NOVA2: variants seen among roughly 807,000 people sequenced by gnomAD.
NOVA2 encodes the protein NOVA alternative splicing regulator 2, also known as RNA-binding protein Nova-2.
NOVA2 carries 9 observed loss-of-function variants against 22.5 expected under a neutral mutation model. The observed-to-expected ratio is 0.40, with a 90% CI of 0.24 to 0.70. The LOEUF (loss-of-function observed/expected upper bound fraction) is 0.70, where lower values mean the gene tolerates loss of function less well. NOVA2 is among the 30% of genes least tolerant of loss of function. NOVA2 has a pLI of 0.38. For missense variants in NOVA2, 383 were observed against 682.8 expected, an observed-to-expected ratio of 0.56 and a Z score of 4.89; for synonymous variants, 318 against 335.2, an observed-to-expected ratio of 0.95 and a Z score of 0.56.
At chr19:45,943,582 G>A (rs1967793480) in intron 3 of NOVA2, among the ~76,000 whole-genome samples, 1 of 151,754 alleles carries the variant, frequency 6.6e-6, no homozygotes, top group Non-Finnish European at 1.5e-5. Flanking sequence ...AGCTGGCCTG[G>A]TGGCACATGC....
chr19:45,939,799 G>A lies in NOVA2; in HGVS notation c.*64C>T, dbSNP rs1018410528. 1.9e-6 allele frequency: 3 copies of A among 1,586,594 alleles called. No individual in the cohort carries two copies. The African/African-American group carries it at 4.0e-5, about 21-fold the overall frequency. ...CAAGCTGAGGTCAGGAGTTGGGGGGGAGGAGGAGAGGGAAGAGGAGGAGAT... is the reference window on the plus strand; with the variant it reads ...CAAGCTGAGGTCAGGAGTTGGGGGGAAGGAGGAGAGGGAAGAGGAGGAGAT... On this transcript the variant is annotated 3_prime_UTR_variant, in exon 4 of 4. Coordinates refer to ENST00000263257, the MANE Select transcript of NOVA2 (RefSeq NM_002516.4).
intron 3 of NOVA2, among the ~76,000 whole-genome samples, chr19:45,951,169 C>T (rs549656722): frequency 1.3e-5 from 2 of 152,198 alleles, no homozygotes; most frequent in South Asian, 4.2e-4. Context: ...TTTTTTTGAC[C>T]TTCATAGTGT....
intron 1 of NOVA2, among the ~76,000 whole-genome samples, chr19:45,964,209 C>T (rs553990218): frequency 1.5e-5 from 2 of 135,974 alleles, no homozygotes; most frequent in East Asian, 2.1e-4. Flanking sequence ...GAGACAATCT[C>T]GCTCTTGTCA....
intron 1 of NOVA2, among the ~76,000 whole-genome samples, chr19:45,971,063 C>G (rs1216709904): frequency 6.6e-6 from 1 of 152,102 alleles, no homozygotes; most frequent in East Asian, 1.9e-4. Context: ...ACTTAGAAAC[C>G]GTGTGACCTT....
At chr19:45,944,480 A>G (rs932075447) in intron 3 of NOVA2, among the ~76,000 whole-genome samples, 1 of 152,134 alleles carries the variant, frequency 6.6e-6, no homozygotes, top group Non-Finnish European at 1.5e-5. Context: ...AACAACAAAG[A>G]AGCAAAAAAT....
In NOVA2 at chr19:45,939,962, C is replaced by G. The variant is rs778974146; in HGVS notation, c.1380G>C (p.Thr460=). The change falls in exon 4 of 4, where the codon ACG becomes ACC. Residue 460 remains threonine, a synonymous_variant. Coordinates refer to ENST00000263257, the MANE Select transcript of NOVA2 (RefSeq NM_002516.4). ...CGGCTTGCGTGGCCGCGGGGCTGCC[C>G]GTGATGGTGACCCGCCGGTTCCGCG... is the stretch of plus-strand genomic sequence containing the variant. ...PGTRNRRVTI[T]GSPAATQAAQ... is the part of the protein sequence containing the mutation. 3 of 1,613,820 alleles carry G rather than the reference C, an allele frequency of 1.9e-6. No individual in the cohort carries two copies. The highest frequency in any genetic ancestry group is 2.2e-5 in the East Asian group (1 of 44,882).
intron 3 of NOVA2, among the ~76,000 whole-genome samples, chr19:45,948,899 T>A (rs568510975): frequency 1.3e-5 from 2 of 152,300 alleles, no homozygotes; most frequent in African/African-American, 4.8e-5. Flanking sequence ...TATCAACTGA[T>A]GAACAGACAA....
At chr19:45,969,818 T>C (rs1013844069) in intron 1 of NOVA2, among the ~76,000 whole-genome samples, 1 of 152,174 alleles carries the variant, frequency 6.6e-6, no homozygotes, top group Admixed American at 6.6e-5. Context: ...CTGCCCTTAG[T>C]GCCTTGTTTT....
chr19:45,939,657 G>C lies in NOVA2; in HGVS notation c.*206C>G, dbSNP rs907717362. 4 of 627,444 alleles carry C rather than the reference G, an allele frequency of 6.4e-6. No individual in the cohort carries two copies. The highest frequency in any genetic ancestry group is 1.1e-5 in the Non-Finnish European group (4 of 367,222). 38.9% of individuals were successfully genotyped at this position (627,444 alleles called of 1,614,324 possible). A position where few individuals can be genotyped will look rare whatever the true frequency, so the allele number is the denominator to read the frequency against. On this transcript the variant is annotated 3_prime_UTR_variant, in exon 4 of 4. Coordinates refer to ENST00000263257, the MANE Select transcript of NOVA2 (RefSeq NM_002516.4). ...GGAAGGAGGGGTCAGTTCCGGGCTGGGGAGGGGGCTTCTGAGCCCCCTTCC... is the reference window on the plus strand; with the variant it reads ...GGAAGGAGGGGTCAGTTCCGGGCTGCGGAGGGGGCTTCTGAGCCCCCTTCC...
Position 45,973,351 on chromosome 19 carries a change from TGGG to T in NOVA2, c.-3_-1del. On this transcript the variant is annotated 5_prime_UTR_variant, in exon 1 of 4. Transcript: ENST00000263257. ...CGGGAATCCGGGGCCTCGGGCTCCA[TGGG>T]GGGGGCCTGGGGCGGCGGCTGCTGC... 9.6e-7 allele frequency: 1 copy of T among 1,046,066 alleles called. No homozygotes were observed. The highest frequency in any genetic ancestry group is 1.2e-6 in the Non-Finnish European group (1 of 833,220). The allele number at this position is 1,046,066 out of a possible 1,614,324, so 64.8% of individuals were successfully genotyped here. A position where few individuals can be genotyped will look rare whatever the true frequency, so the allele number is the denominator to read the frequency against.
intron 3 of NOVA2, among the ~76,000 whole-genome samples, chr19:45,947,713 C>A (rs887088942): frequency 2.6e-5 from 4 of 152,082 alleles, no homozygotes; most frequent in African/African-American, 9.7e-5. Context: ...ACCTCGTGAT[C>A]CGCCTGTCTC....
At chr19:45,948,863 T>C (rs1258126260) in intron 3 of NOVA2, among the ~76,000 whole-genome samples, 5 of 152,050 alleles carry the variant, frequency 3.3e-5, no homozygotes, top group Non-Finnish European at 5.9e-5. Context: ...TCATCATAGC[T>C]AAAAAGGAGA....
chr19:45,938,854 G>A lies in NOVA2; in HGVS notation c.*1009C>T, dbSNP rs1043074976. On this transcript the variant is annotated 3_prime_UTR_variant, in exon 4 of 4. Coordinates refer to ENST00000263257, the MANE Select transcript of NOVA2 (RefSeq NM_002516.4). ...ATGCTTCAGCCTAATGACATCACAG[G>A]ACGTGACCTCTAGGCATCACCGGAA... 6.6e-6 allele frequency: 1 copy of A among 152,204 alleles called. No homozygotes were observed. Among genetic ancestry groups the A allele is most frequent in the African/African-American group, 2.4e-5 (1 of 41,440 alleles). The allele number at this position is 152,204 out of a possible 1,614,324, so 9.4% of individuals were successfully genotyped here. A position where few individuals can be genotyped will look rare whatever the true frequency, so the allele number is the denominator to read the frequency against.
rs561120388 is a variant in NOVA2, at chr19:45,939,688, G to A, written c.*175C>T. On this transcript the variant is annotated 3_prime_UTR_variant, in exon 4 of 4. Coordinates refer to ENST00000263257, the MANE Select transcript of NOVA2 (RefSeq NM_002516.4). ...GGGCTTCTGAGCCCCCTTCCCAACC[G>A]TCACTCAATCCTGCCTATGACTACC... is the stretch of plus-strand genomic sequence containing the variant. 3.1e-5 allele frequency: 24 copies of A among 772,568 alleles called. No individual in the cohort carries two copies. The highest frequency in any genetic ancestry group is 6.0e-5 in the Admixed American group (2 of 33,478). The allele number at this position is 772,568 out of a possible 1,614,324, so 47.9% of individuals were successfully genotyped here. A position where few individuals can be genotyped will look rare whatever the true frequency, so the allele number is the denominator to read the frequency against.
chr19:45,939,621 A>C lies in NOVA2; in HGVS notation c.*242T>G. Reference sequence around the variant, plus strand: ...CAGGAAGGGTCAGGCCCAGCCAAGCACAGGGAGGGAGGAAGGAGGGGTCAG... The same window carrying C: ...CAGGAAGGGTCAGGCCCAGCCAAGCCCAGGGAGGGAGGAAGGAGGGGTCAG... On this transcript the variant is annotated 3_prime_UTR_variant, in exon 4 of 4. Coordinates refer to ENST00000263257, the MANE Select transcript of NOVA2 (RefSeq NM_002516.4). 1.8e-6 allele frequency: 1 copy of C among 552,420 alleles called. No homozygotes were observed. 34.2% of individuals were successfully genotyped at this position (552,420 alleles called of 1,614,324 possible).
chr19:45,965,685 G>A (rs1385309307), intron 1 of NOVA2, among the ~76,000 whole-genome samples: 2 of 151,888 alleles, frequency 1.3e-5, no homozygotes, highest in East Asian at 1.9e-4. Context: ...AGCTGAGATC[G>A]CGTCACTGCA....
At chr19:45,967,365 C>T (rs905380358) in intron 1 of NOVA2, 1 of 152,162 alleles carries the variant, frequency 6.6e-6, no homozygotes, top group Admixed American at 6.6e-5. Context: ...TTACGCACGC[C>T]CACCCTGTTT....
chr19:45,940,227 C>T lies in NOVA2; in HGVS notation c.1115G>A (p.Gly372Asp). 9.1e-7 allele frequency: 1 copy of T among 1,095,170 alleles called. No individual in the cohort carries two copies. The highest frequency in any genetic ancestry group is 1.1e-6 in the Non-Finnish European group (1 of 905,508). The allele number at this position is 1,095,170 out of a possible 1,614,324, so 67.8% of individuals were successfully genotyped here. A position where few individuals can be genotyped will look rare whatever the true frequency, so the allele number is the denominator to read the frequency against. ...CGGGCCGCCCCCTCCGCCCGCCCCG[C>T]CGCCCGCCCCGGCCCCGAGGTAGCC... Reference protein sequence around the residue: ...ANGYLGAGAGGGAGGGGGPLV... With the variant: ...ANGYLGAGAGDGAGGGGGPLV... The change falls in exon 4 of 4, where the codon GGC (glycine) becomes GAC (aspartate). Residue 372 changes from glycine (G) to aspartate (D), a missense_variant. This residue lies in a region of NOVA2 where 349 missense variants were observed against 578.1 expected (regional missense o/e 0.60). Coordinates refer to ENST00000263257, the MANE Select transcript of NOVA2 (RefSeq NM_002516.4).
At chr19:45,971,673 G>A (rs952208552) in intron 1 of NOVA2, among the ~76,000 whole-genome samples, 18 of 152,050 alleles carry the variant, frequency 1.2e-4, no homozygotes, top group African/African-American at 3.1e-4. Flanking sequence ...CAGGCCTGGC[G>A]GAGAGGAAAG....
Sources: allele counts gnomAD v4.1 joint callset (sites outside exome capture counted in the v4.1 genomes callset), GRCh38; gene constraint gnomAD v4.1.1; regional missense constraint gnomAD v4.1.1; transcripts MANE v1.5; gene names NCBI Gene and HGNC (gene_info 2026-07-23, HGNC 2026-07-21).